Variants in LTBP1 observed in about 807,000 individuals in gnomAD.
The protein encoded by LTBP1 is latent transforming growth factor beta binding protein 1, also known as latent-transforming growth factor beta-binding protein 1.
In LTBP1, 129 loss-of-function variants were observed where a neutral mutation model predicts 207.6. That is an observed-to-expected ratio of 0.62 (90% confidence interval 0.54 to 0.72). LTBP1 has a LOEUF of 0.72. Ranked by LOEUF, LTBP1 falls within the 30% of genes least tolerant of loss-of-function variation. The pLI is 0.00. For synonymous variants in LTBP1, 963 were observed against 833.7 expected, an observed-to-expected ratio of 1.16 and a Z score of -2.67; for missense variants, 2,281 against 2,217.2, an observed-to-expected ratio of 1.03 and a Z score of -0.58.
chr2:32,953,560 G>C lies in LTBP1; in HGVS notation c.565+4615G>C, dbSNP rs181470592. Among the ~76,000 whole-genome samples, 70 of 152,284 alleles carry C rather than the reference G, an allele frequency of 4.6e-4. 1 individual carries two copies. The highest frequency in any genetic ancestry group is 7.9e-4 in the Non-Finnish European group (54 of 68,022). On this transcript the variant is annotated intron_variant, in intron 2 of 33. Coordinates refer to ENST00000404816, the MANE Select transcript of LTBP1 (RefSeq NM_206943.4). Reference sequence around the variant, plus strand: ...CACACTAGGTCAAATATGTGTTCTCGAGACTAGTTAAAATCCACATTTAGG... The same window carrying C: ...CACACTAGGTCAAATATGTGTTCTCCAGACTAGTTAAAATCCACATTTAGG...
intron 2 of LTBP1, among the ~76,000 whole-genome samples, chr2:32,968,515 A>G (rs565807574): frequency 2.0e-5 from 3 of 152,054 alleles, no homozygotes; most frequent in Non-Finnish European, 4.4e-5. Flanking sequence ...CAATCTTTAT[A>G]TTGAAAGTAG....
At chr2:33,221,642 C>G (rs559023043) in intron 8 of LTBP1, among the ~76,000 whole-genome samples, 1 of 152,276 alleles carries the variant, frequency 6.6e-6, no homozygotes, top group African/African-American at 2.4e-5. Flanking sequence ...AAGTGGGACA[C>G]TTTGGGGAGT....
chr2:33,273,752 G>C lies in LTBP1; in HGVS notation c.2714G>C (p.Arg905Thr). Residue 905 changes from arginine (R) to threonine (T), a missense_variant, in exon 16 of 34, where the codon AGG becomes ACG. Transcript: ENST00000404816. ...RYTCICYEGY[R>T]FSEQQRKCVD... ...ACCTGTATATGCTACGAGGGCTACA[G>C]GTTCAGTGAACAACAGAGGAAATGT... 6.2e-7 allele frequency: 1 copy of C among 1,610,128 alleles called. No individual in the cohort carries two copies. Among genetic ancestry groups the C allele is most frequent in the South Asian group, 1.1e-5 (1 of 90,276 alleles).
chr2:33,214,838 C>T (rs1323886618), intron 7 of LTBP1, among the ~76,000 whole-genome samples: 3 of 151,548 alleles, frequency 2.0e-5, no homozygotes, highest in Non-Finnish European at 2.9e-5. Flanking sequence ...TTTTCAGTGC[C>T]TTCCCCAGAA....
intron 2 of LTBP1, among the ~76,000 whole-genome samples, chr2:32,969,177 C>T (rs1272176389): frequency 3.3e-5 from 5 of 150,852 alleles, no homozygotes; most frequent in South Asian, 2.1e-4. Flanking sequence ...CCACCTGCAT[C>T]GGCCTCCCAA....
At chr2:32,996,122 A>C (rs1685228675) in intron 2 of LTBP1, among the ~76,000 whole-genome samples, 1 of 152,076 alleles carries the variant, frequency 6.6e-6, no homozygotes, top group Admixed American at 6.5e-5. Flanking sequence ...GAACTCTCTT[A>C]GTGTATTCAG....
chr2:33,284,726 T>C (rs2093629447), intron 19 of LTBP1, among the ~76,000 whole-genome samples: 1 of 152,236 alleles, frequency 6.6e-6, no homozygotes, highest in Admixed American at 6.5e-5. Flanking sequence ...TATTTAAAGA[T>C]ACATTTGATA....
intron 19 of LTBP1, among the ~76,000 whole-genome samples, chr2:33,284,367 C>T (rs2093622060): frequency 6.6e-6 from 1 of 152,182 alleles, no homozygotes; most frequent in Non-Finnish European, 1.5e-5. Context: ...TAACACACAT[C>T]ATCCCTAATG....
chr2:33,171,497 TG>T (rs1453594418), intron 5 of LTBP1, among the ~76,000 whole-genome samples: 4 of 151,120 alleles, frequency 2.6e-5, no homozygotes, highest in African/African-American at 9.7e-5. Context: ...CCAAGAAATA[TG>T]GGACTATGTG....
intron 2 of LTBP1, among the ~76,000 whole-genome samples, chr2:33,002,693 T>TA (rs1553364264): frequency 5.9e-5 from 9 of 151,564 alleles, no homozygotes; most frequent in African/African-American, 1.9e-4. Flanking sequence ...CTTTTTTTTT[T>TA]AAAAAAAGGG....
Position 33,021,188 on chromosome 2 carries a change from C to T in LTBP1, c.845C>T (p.Pro282Leu), listed in dbSNP as rs760702803. The T allele has an allele frequency of 6.3e-7, 1 of 1,598,400 alleles. No individual in the cohort carries two copies. The highest frequency in any genetic ancestry group is 1.7e-5 in the Admixed American group (1 of 59,122). The change falls in exon 3 of 34, where the codon CCC becomes CTC. Residue 282 changes from proline (P) to leucine (L), a missense_variant. Coordinates refer to ENST00000404816, the MANE Select transcript of LTBP1 (RefSeq NM_206943.4). ...AAGCCGAAGCCTTCAGTGGGACTCCCCCAGCAGATACATTCTCAGTGAGTG... is the reference window on the plus strand; with the variant it reads ...AAGCCGAAGCCTTCAGTGGGACTCCTCCAGCAGATACATTCTCAGTGAGTG... ...TLKPKPSVGL[P>L]QQIHSQVTPL... is the part of the protein sequence containing the mutation.
chr2:33,286,369 T>C (rs1184953949), intron 19 of LTBP1, among the ~76,000 whole-genome samples: 1 of 152,234 alleles, frequency 6.6e-6, no homozygotes, highest in Non-Finnish European at 1.5e-5. Context: ...GGAGAACTCA[T>C]TGTTCTAGAA....
intron 3 of LTBP1, among the ~76,000 whole-genome samples, chr2:33,068,469 T>C (rs1390715029): frequency 6.6e-6 from 1 of 152,096 alleles, no homozygotes; most frequent in Non-Finnish European, 1.5e-5. Context: ...GTCCATAGTT[T>C]ATATTGCTGA....
chr2:33,369,684 C>T (rs2095044389), intron 31 of LTBP1, among the ~76,000 whole-genome samples: 1 of 152,084 alleles, frequency 6.6e-6, no homozygotes, highest in African/African-American at 2.4e-5. Flanking sequence ...ATTACAGGCG[C>T]GCACCACCAC....
At chr2:33,317,434 T>C (rs969103679) in intron 24 of LTBP1, among the ~76,000 whole-genome samples, 1 of 152,240 alleles carries the variant, frequency 6.6e-6, no homozygotes, top group African/African-American at 2.4e-5. Context: ...AATTTTATTT[T>C]TTATGGGCTT....
chr2:33,196,742 A>G (rs2088614650), intron 7 of LTBP1, among the ~76,000 whole-genome samples: 1 of 152,226 alleles, frequency 6.6e-6, no homozygotes, highest in African/African-American at 2.4e-5. Context: ...AAGATGAGCA[A>G]TGACATCTTT....
intron 9 of LTBP1, among the ~76,000 whole-genome samples, chr2:33,229,196 G>A (rs1364636478): frequency 2.0e-5 from 3 of 152,184 alleles, no homozygotes; most frequent in African/African-American, 4.8e-5. Flanking sequence ...TCAGCCAGAT[G>A]TAATGGCTCA....
rs965196346 is a variant in LTBP1 at position 33,174,004 on chromosome 2, C to T, written c.1202-12852C>T. Among the ~76,000 whole-genome samples, 39 of 137,466 alleles carry T rather than the reference C, an allele frequency of 2.8e-4. 1 individual carries two copies. Among genetic ancestry groups the T allele is most frequent in the Non-Finnish European group, 5.7e-4 (35 of 61,564 alleles). 90.2% of individuals were successfully genotyped at this position (137,466 alleles called of 152,430 possible). A position where few individuals can be genotyped will look rare whatever the true frequency, so the allele number is the denominator to read the frequency against. On this transcript the variant is annotated intron_variant, in intron 5 of 33. Transcript: ENST00000404816. ...TAAATTAGGTATTGATGGGACGTAT[C>T]TCAAAATAATAAGAGCTATCTATGA...
intron 7 of LTBP1, among the ~76,000 whole-genome samples, chr2:33,194,167 A>G (rs1027532126): frequency 1.3e-5 from 2 of 151,914 alleles, no homozygotes; most frequent in Non-Finnish European, 2.9e-5. Flanking sequence ...TTGTATTTTT[A>G]TTAGAGATGG....
Sources: gnomAD v4.1 joint callset for allele counts (sites outside exome capture counted in the v4.1 genomes callset) on GRCh38, gnomAD v4.1.1 for gene constraint, MANE v1.5 for transcripts, NCBI Gene and HGNC (gene_info 2026-07-23, HGNC 2026-07-21) for gene names.